The following AGPAT5 variants were observed in gnomAD, a reference collection of about 807,000 sequenced individuals.
AGPAT5 encodes the protein 1-acyl-sn-glycerol-3-phosphate acyltransferase epsilon.
In AGPAT5, 46 loss-of-function variants were observed where a neutral mutation model predicts 45.6. The ratio of observed to expected loss-of-function variants is 1.01; its 90% CI spans 0.80 to 1.29. The LOEUF (loss-of-function observed/expected upper bound fraction) is 1.29, where lower values mean the gene tolerates loss of function less well. AGPAT5 is among the 50% of genes most tolerant of loss of function. The pLI, the probability that AGPAT5 is intolerant of heterozygous loss-of-function variation, is 0.00. For missense variants in AGPAT5, 673 were observed against 450.7 expected (o/e 1.49, Z -4.47); for synonymous variants, 272 against 167.0 (o/e 1.63, Z -4.85).
chr8:6,732,701 T>A, intron 4 of AGPAT5, 51 bp downstream of exon 4: 1 of 1,385,938 alleles, frequency 7.2e-7, no homozygotes, highest in Non-Finnish European at 9.8e-7. Flanking sequence ...GTTTCTAAAT[T>A]TAAGAATTAA....
In AGPAT5 at chr8:6,738,867, T is replaced by C. The variant is rs573982720; in HGVS notation, c.496-2794T>C. 5.3e-5 allele frequency among the ~76,000 whole-genome samples: 8 copies of C among 152,304 alleles called. No homozygotes were observed. The South Asian group carries it at 1.7e-3, about 32-fold the overall frequency. ...TTTTTCTCTCATAATTTCCACTTTT[T>C]GTATCCTATTTAAGAAGTCCTTGCC... On this transcript the variant is annotated intron_variant, in intron 4 of 7. Coordinates refer to ENST00000285518, the MANE Select transcript of AGPAT5 (RefSeq NM_018361.5).
chr8:6,714,268 C>T (rs76430472), intron 1 of AGPAT5, among the ~76,000 whole-genome samples: 2,459 of 152,292 alleles, frequency 0.016, 74 homozygotes, highest in East Asian at 0.13. Flanking sequence ...CTGAGAGTGA[C>T]AGGACTGTGT....
At chr8:6,752,172 G>A (rs934252763) in intron 6 of AGPAT5, among the ~76,000 whole-genome samples, 9 of 151,610 alleles carry the variant, frequency 5.9e-5, no homozygotes, top group East Asian at 5.8e-4. Flanking sequence ...GCAAGAATCC[G>A]CCTAAAAAAA....
At chr8:6,737,122 C>T (rs1801079394) in intron 4 of AGPAT5, among the ~76,000 whole-genome samples, 1 of 152,274 alleles carries the variant, frequency 6.6e-6, no homozygotes, top group African/African-American at 2.4e-5. Flanking sequence ...GGCAAAATTC[C>T]AGCCTTTTAT....
intron 1 of AGPAT5, among the ~76,000 whole-genome samples, chr8:6,709,844 A>G (rs1375742643): frequency 6.6e-6 from 1 of 152,146 alleles, no homozygotes; most frequent in Non-Finnish European, 1.5e-5. Flanking sequence ...GGGGGGAAGG[A>G]ACTAGGAGAG....
chr8:6,750,525 C>CT (rs1043333600), intron 6 of AGPAT5, among the ~76,000 whole-genome samples: 1 of 152,056 alleles, frequency 6.6e-6, no homozygotes, highest in Non-Finnish European at 1.5e-5. Flanking sequence ...AAAATCAAGA[C>CT]TGAAAGACAA....
chr8:6,716,573 G>A (rs931472544), intron 1 of AGPAT5, among the ~76,000 whole-genome samples: 3 of 152,050 alleles, frequency 2.0e-5, no homozygotes, highest in Non-Finnish European at 2.9e-5. Context: ...GGAGGCTCAC[G>A]CTGGTAATCC....
At chr8:6,721,060 T>G (rs1245030529) in intron 1 of AGPAT5, among the ~76,000 whole-genome samples, 1 of 152,254 alleles carries the variant, frequency 6.6e-6, no homozygotes, top group Non-Finnish European at 1.5e-5. Context: ...TTCCATTTAT[T>G]GCATGATAAT....
chr8:6,735,483 C>G (rs763823703), intron 4 of AGPAT5, among the ~76,000 whole-genome samples: 3 of 152,220 alleles, frequency 2.0e-5, no homozygotes, highest in Non-Finnish European at 4.4e-5. Context: ...TCATACTTGG[C>G]TTTCTGCAAA....
At chr8:6,723,301 C>CT (rs1800568937) in intron 1 of AGPAT5, among the ~76,000 whole-genome samples, 1 of 152,178 alleles carries the variant, frequency 6.6e-6, no homozygotes, top group Non-Finnish European at 1.5e-5. Context: ...GCAGTGTGTT[C>CT]TGGATGCTCC....
rs1587046887 is a variant in AGPAT5, at chr8:6,741,867, C to A, written c.586+116C>A. On this transcript the variant is annotated intron_variant, in intron 5 of 7. Coordinates refer to ENST00000285518, the MANE Select transcript of AGPAT5 (RefSeq NM_018361.5). ...AGTTGAAGGAATGAATGTATTCATTCCTTGAATTAGTGTACATATTATCTC... is the reference window on the plus strand; with the variant it reads ...AGTTGAAGGAATGAATGTATTCATTACTTGAATTAGTGTACATATTATCTC... 3 of 741,190 alleles carry A rather than the reference C, an allele frequency of 4.0e-6. No homozygotes were observed. In the Admixed American group the frequency reaches 7.4e-5, roughly 18 times the overall value. The allele number at this position is 741,190 out of a possible 1,614,324, so 45.9% of individuals were successfully genotyped here. A position where few individuals can be genotyped will look rare whatever the true frequency, so the allele number is the denominator to read the frequency against.
At position 6,730,831 on chromosome 8, in the gene AGPAT5, C is replaced by G. The variant is rs762717911; in HGVS notation, c.405+5C>G. 5 of 1,580,830 alleles carry G rather than the reference C, an allele frequency of 3.2e-6. No homozygotes were observed. Among genetic ancestry groups the G allele is most frequent in the East Asian group, 2.2e-5 (1 of 44,542 alleles). ...TATGGGTGTTACTTTGCTCAGGTAA[C>G]TTGTTTCCATGCTTTTCTCTCTATA... On this transcript the variant is annotated splice_donor_5th_base_variant and intron_variant, in intron 3 of 7. Coordinates refer to ENST00000285518, the MANE Select transcript of AGPAT5 (RefSeq NM_018361.5).
intron 1 of AGPAT5, among the ~76,000 whole-genome samples, chr8:6,716,345 G>A (rs543115745): frequency 6.6e-6 from 1 of 152,118 alleles, no homozygotes; most frequent in African/African-American, 2.4e-5. Flanking sequence ...GATCACTTGA[G>A]GTCAGGCATT....
At chr8:6,736,095 G>T (rs140755640) in intron 4 of AGPAT5, among the ~76,000 whole-genome samples, 1 of 151,908 alleles carries the variant, frequency 6.6e-6, no homozygotes, top group South Asian at 2.1e-4. Context: ...CTCTTGATCC[G>T]CCCGCCTCGG....
At chr8:6,709,076 A>T in intron 1 of AGPAT5, 189 bp downstream of exon 1, 1 of 695,110 alleles carries the variant, frequency 1.4e-6, no homozygotes, top group Admixed American at 2.2e-5. Context: ...CTCTCTAGGA[A>T]GCTGTGGCTG....
intron 2 of AGPAT5, among the ~76,000 whole-genome samples, chr8:6,729,901 C>T (rs10088817): frequency 0.02 from 3,003 of 152,262 alleles, 98 homozygotes; most frequent in African/African-American, 0.068. Context: ...GCACATATAT[C>T]TACCCAGCAT....
chr8:6,743,936 G>A (rs1307309863), intron 5 of AGPAT5, among the ~76,000 whole-genome samples: 1 of 151,972 alleles, frequency 6.6e-6, no homozygotes. Context: ...GAATAACACT[G>A]GCGATTGTAG....
chr8:6,729,282 T>C (rs1800786210), intron 2 of AGPAT5, among the ~76,000 whole-genome samples: 1 of 152,104 alleles, frequency 6.6e-6, no homozygotes, highest in South Asian at 2.1e-4. Context: ...TGTGGAAAAC[T>C]GTCCTCTTTG....
chr8:6,724,979 G>C, intron 2 of AGPAT5, 40 bp downstream of exon 2: 1 of 788,190 alleles, frequency 1.3e-6, no homozygotes, highest in Non-Finnish European at 1.8e-6. Flanking sequence ...TTTTTCTACA[G>C]ATGGCACATG....
Sources: allele counts gnomAD v4.1 joint callset (sites outside exome capture counted in the v4.1 genomes callset), GRCh38; gene constraint gnomAD v4.1.1; transcripts MANE v1.5; gene names NCBI Gene and HGNC (gene_info 2026-07-23, HGNC 2026-07-21).